GRID1: variants seen among roughly 807,000 people sequenced by gnomAD.
GRID1 encodes the protein glutamate ionotropic receptor delta type subunit 1.
A neutral mutation model predicts 98.0 loss-of-function variants in GRID1; 28 were observed. The ratio of observed to expected loss-of-function variants is 0.29; its 90% CI spans 0.21 to 0.39. The LOEUF is 0.39. Among genes scored for constraint, GRID1 ranks in the 10% least tolerant of loss-of-function variants. The pLI is 1.00. For synonymous variants in GRID1, 553 were observed against 538.5 expected (o/e 1.03, Z -0.37); for missense variants, 1,111 against 1,340.5 (o/e 0.83, Z 2.67).
chr10:85,956,751 C>T (rs144332472), intron 4 of GRID1, among the ~76,000 whole-genome samples: 4 of 152,256 alleles, frequency 2.6e-5, no homozygotes, highest in East Asian at 3.9e-4. Flanking sequence ...GCATGGGAAG[C>T]GTCAATTTGA....
At chr10:85,980,957 G>A (rs1324381165) in intron 4 of GRID1, among the ~76,000 whole-genome samples, 1 of 152,216 alleles carries the variant, frequency 6.6e-6, no homozygotes, top group Non-Finnish European at 1.5e-5. Context: ...GCTGGTCACT[G>A]TGGGCACCCA....
At chr10:85,997,871 G>A (rs192905116) in intron 4 of GRID1, among the ~76,000 whole-genome samples, 21 of 151,950 alleles carry the variant, frequency 1.4e-4, no homozygotes, top group Admixed American at 1.1e-3. Context: ...ATAAAAGAAC[G>A]GAAAAACATA....
At chr10:86,356,967 G>A (rs1042501358) in intron 2 of GRID1, among the ~76,000 whole-genome samples, 1 of 152,218 alleles carries the variant, frequency 6.6e-6, no homozygotes, top group South Asian at 2.1e-4. Context: ...ACAAGAATTG[G>A]GAAAGAGAGT....
chr10:86,200,956 T>C (rs1845942720), intron 3 of GRID1, among the ~76,000 whole-genome samples: 2 of 152,194 alleles, frequency 1.3e-5, no homozygotes, highest in Non-Finnish European at 2.9e-5. Flanking sequence ...GGAAATCTCA[T>C]ATATTGCACA....
At chr10:85,849,807 T>G (rs1843040760) in intron 8 of GRID1, among the ~76,000 whole-genome samples, 1 of 152,172 alleles carries the variant, frequency 6.6e-6, no homozygotes, top group African/African-American at 2.4e-5. Context: ...AACCAGCACA[T>G]GTGCTTCTAT....
chr10:86,234,672 C>T (rs1303133232), intron 2 of GRID1, among the ~76,000 whole-genome samples: 1 of 152,188 alleles, frequency 6.6e-6, no homozygotes, highest in Non-Finnish European at 1.5e-5. Flanking sequence ...CTGCTCTCAT[C>T]CTCTGACCCC....
At chr10:85,656,063 T>C (rs529579851) in intron 12 of GRID1, among the ~76,000 whole-genome samples, 6 of 152,194 alleles carry the variant, frequency 3.9e-5, no homozygotes, top group African/African-American at 1.4e-4. Context: ...GAGTTATCTA[T>C]GATTACTGCC....
chr10:85,630,480 T>C (rs748795139), intron 13 of GRID1, among the ~76,000 whole-genome samples: 1 of 152,228 alleles, frequency 6.6e-6, no homozygotes, highest in South Asian at 2.1e-4. Context: ...CGCGAGTGCC[T>C]TGGAATAAAT....
At chr10:86,115,082 G>C (rs1844553818) in intron 4 of GRID1, among the ~76,000 whole-genome samples, 1 of 152,084 alleles carries the variant, frequency 6.6e-6, no homozygotes, top group Non-Finnish European at 1.5e-5. Context: ...AGCTCCCGGG[G>C]GCTATGAAAG....
intron 8 of GRID1, among the ~76,000 whole-genome samples, chr10:85,831,486 A>C (rs568704252): frequency 1.6e-4 from 25 of 152,242 alleles, no homozygotes; most frequent in Non-Finnish European, 3.2e-4. Context: ...GTAAATCCAC[A>C]ACCACAATAT....
At chr10:86,282,930 A>G (rs776850187) in intron 2 of GRID1, among the ~76,000 whole-genome samples, 1 of 152,160 alleles carries the variant, frequency 6.6e-6, no homozygotes, top group Non-Finnish European at 1.5e-5. Flanking sequence ...CTTGGCTCAC[A>G]GTCAAGGCTA....
intron 12 of GRID1, among the ~76,000 whole-genome samples, chr10:85,682,350 T>C (rs558243298): frequency 2.6e-5 from 4 of 152,234 alleles, no homozygotes; most frequent in Non-Finnish European, 5.9e-5. Flanking sequence ...TAGAGTCTAG[T>C]GCAGTGTGCA....
At chr10:86,263,441 A>G (rs1484792814) in intron 2 of GRID1, among the ~76,000 whole-genome samples, 1 of 152,174 alleles carries the variant, frequency 6.6e-6, no homozygotes, top group East Asian at 1.9e-4. Context: ...TTCCCCAGAC[A>G]CTGACTTCGG....
At chr10:86,145,897 G>A (rs1017704002) in intron 3 of GRID1, among the ~76,000 whole-genome samples, 7 of 152,096 alleles carry the variant, frequency 4.6e-5, no homozygotes, top group African/African-American at 1.4e-4. Context: ...GCAGCCACAC[G>A]ATGACCACGT....
At chr10:85,710,882 A>G (rs2132635783) in intron 12 of GRID1, among the ~76,000 whole-genome samples, 1 of 152,220 alleles carries the variant, frequency 6.6e-6, no homozygotes, top group South Asian at 2.1e-4. Flanking sequence ...TAAATTGTGG[A>G]AATGCAAACC....
intron 8 of GRID1, among the ~76,000 whole-genome samples, chr10:85,820,027 A>AAGGCAGGCAGGCAGGCAGGC (rs1156384223): frequency 1.5e-5 from 1 of 66,498 alleles, no homozygotes; most frequent in Non-Finnish European, 2.8e-5. Flanking sequence ...GGAAGGAAGG[A>AAGGCAGGCAGGCAGGCAGGC]AGGCAGGCAG....
chr10:85,732,826 A>G (rs1841840572), intron 8 of GRID1, among the ~76,000 whole-genome samples: 1 of 152,186 alleles, frequency 6.6e-6, no homozygotes, highest in South Asian at 2.1e-4. Context: ...CCTCATCCAG[A>G]GCCAATCCTG....
chr10:85,743,596 A>AAC (rs550385737), intron 8 of GRID1, among the ~76,000 whole-genome samples: 27 of 152,146 alleles, frequency 1.8e-4, no homozygotes, highest in Non-Finnish European at 3.2e-4. Context: ...AACTCAAGAA[A>AAC]ACTACTGTAG....
intron 5 of GRID1, among the ~76,000 whole-genome samples, chr10:85,883,041 C>T (rs1841057914): frequency 6.6e-6 from 1 of 152,034 alleles, no homozygotes; most frequent in Admixed American, 6.6e-5. Flanking sequence ...TGTCATATTT[C>T]GTTTTAGAAG....
Sources: gnomAD v4.1 joint callset for allele counts (sites outside exome capture counted in the v4.1 genomes callset) on GRCh38, gnomAD v4.1.1 for gene constraint, MANE v1.5 for transcripts, NCBI Gene and HGNC (gene_info 2026-07-23, HGNC 2026-07-21) for gene names.